ABLIM1: variants seen among roughly 807,000 people sequenced by gnomAD.
ABLIM1 encodes the protein actin-binding LIM protein 1.
Under a neutral mutation model 107.0 loss-of-function variants are expected in ABLIM1, and 40 were observed. The observed-to-expected ratio is 0.37, with a 90% CI of 0.29 to 0.49. The LOEUF (loss-of-function observed/expected upper bound fraction) is 0.49. ABLIM1 is among the 20% of genes least tolerant of loss of function. The pLI is 0.97. For synonymous variants in ABLIM1, 357 were observed against 357.3 expected (o/e 1.00, Z 0.01); for missense variants, 857 against 1,008.5 (o/e 0.85, Z 2.04).
intron 1 of ABLIM1, among the ~76,000 whole-genome samples, chr10:114,627,817 T>C (rs577201757): frequency 6.6e-6 from 1 of 152,286 alleles, no homozygotes; most frequent in Admixed American, 6.5e-5. Flanking sequence ...TGATTGACTT[T>C]CCATACAAAT....
At chr10:114,528,933 G>A (rs977976168) in intron 6 of ABLIM1, among the ~76,000 whole-genome samples, 28 of 152,148 alleles carry the variant, frequency 1.8e-4, no homozygotes, top group Admixed American at 6.5e-5. Flanking sequence ...TGGGGTTAAG[G>A]ATGGTACCTT....
chr10:114,554,807 C>T (rs1353891258), intron 4 of ABLIM1, among the ~76,000 whole-genome samples: 5 of 152,102 alleles, frequency 3.3e-5, no homozygotes, highest in African/African-American at 1.2e-4. Flanking sequence ...TGTGTCTTGG[C>T]CTATCCTAGA....
intron 1 of ABLIM1, among the ~76,000 whole-genome samples, chr10:114,765,780 G>C (rs1281170023): frequency 1.3e-5 from 2 of 151,692 alleles, no homozygotes; most frequent in African/African-American, 4.8e-5. Flanking sequence ...AGGAAATTCT[G>C]GTTCTCAACA....
At chr10:114,532,824 G>A (rs2065593470) in intron 6 of ABLIM1, among the ~76,000 whole-genome samples, 1 of 152,160 alleles carries the variant, frequency 6.6e-6, no homozygotes, top group Non-Finnish European at 1.5e-5. Context: ...GGAGGTAGTT[G>A]CAATGCCCAG....
At chr10:114,458,290 C>T (rs1438010303) in intron 12 of ABLIM1, among the ~76,000 whole-genome samples, 1 of 151,812 alleles carries the variant, frequency 6.6e-6, no homozygotes, top group African/African-American at 2.4e-5. Context: ...TCATTTTTAC[C>T]TCCTTTCCTG....
intron 6 of ABLIM1, among the ~76,000 whole-genome samples, chr10:114,501,085 A>C (rs1378752326): frequency 6.6e-6 from 1 of 152,226 alleles, no homozygotes; most frequent in Non-Finnish European, 1.5e-5. Context: ...TAAAAGATCA[A>C]CTTCTTCTGT....
At chr10:114,693,976 T>C (rs2081143230) in intron 1 of ABLIM1, among the ~76,000 whole-genome samples, 1 of 152,156 alleles carries the variant, frequency 6.6e-6, no homozygotes, top group Admixed American at 6.5e-5. Context: ...TTTAATCATT[T>C]TTAAAGTACT....
chr10:114,703,220 T>G (rs1296163037), intron 1 of ABLIM1, among the ~76,000 whole-genome samples: 2 of 152,196 alleles, frequency 1.3e-5, no homozygotes, highest in African/African-American at 2.4e-5. Flanking sequence ...CTTCATACTC[T>G]TACAGACATC....
At chr10:114,599,410 C>T (rs997515589) in intron 2 of ABLIM1, among the ~76,000 whole-genome samples, 3 of 152,118 alleles carry the variant, frequency 2.0e-5, no homozygotes, top group African/African-American at 2.4e-5. Flanking sequence ...CTTCAAATAC[C>T]GTGATGTGTT....
intron 1 of ABLIM1, among the ~76,000 whole-genome samples, chr10:114,724,071 T>C (rs949943172): frequency 2.0e-4 from 31 of 152,174 alleles, no homozygotes; most frequent in Non-Finnish European, 2.6e-4. Context: ...CTTTTAACAA[T>C]TGTGATTGCC....
At chr10:114,440,193 A>G in intron 19 of ABLIM1, 104 bp from the exon 20 acceptor site, 1 of 1,218,412 alleles carries the variant, frequency 8.2e-7, no homozygotes, top group Non-Finnish European at 1.2e-6. Context: ...TATTCGCCCT[A>G]TAAACCATGT....
intron 2 of ABLIM1, among the ~76,000 whole-genome samples, chr10:114,582,192 A>G (rs1238220371): frequency 3.3e-5 from 5 of 152,160 alleles, no homozygotes; most frequent in Non-Finnish European, 7.4e-5. Flanking sequence ...TAAATATACA[A>G]AAACCAGTAT....
At chr10:114,523,642 T>A (rs1252179988) in intron 6 of ABLIM1, among the ~76,000 whole-genome samples, 3 of 152,196 alleles carry the variant, frequency 2.0e-5, no homozygotes, top group African/African-American at 7.2e-5. Context: ...TCAAAGAGTT[T>A]TCTGGTAGCC....
chr10:114,712,163 G>T (rs35221652), intron 1 of ABLIM1, among the ~76,000 whole-genome samples: 2 of 151,550 alleles, frequency 1.3e-5, no homozygotes, highest in Middle Eastern at 6.3e-3. Context: ...GACCAGTCTG[G>T]CCAACATGGT....
At chr10:114,574,878 T>C (rs2072273461) in intron 3 of ABLIM1, among the ~76,000 whole-genome samples, 1 of 152,168 alleles carries the variant, frequency 6.6e-6, no homozygotes, top group Non-Finnish European at 1.5e-5. Context: ...TTGCGGACCA[T>C]ATGGTCTCTG....
At chr10:114,462,367 G>A (rs976911925) in intron 12 of ABLIM1, among the ~76,000 whole-genome samples, 5 of 152,104 alleles carry the variant, frequency 3.3e-5, no homozygotes, top group East Asian at 1.9e-4. Flanking sequence ...CAGGGTTCTC[G>A]GCTCCCCCAG....
Position 114,644,306 on chromosome 10 carries a change from AATATAT to A in ABLIM1, c.244+13645_244+13650del, listed in dbSNP as rs1244613103. On this transcript the variant is annotated intron_variant, in intron 1 of 22. Coordinates refer to ENST00000533213, the MANE Select transcript of ABLIM1 (RefSeq NM_002313.7). ...AAAAAAAAAAAAAAAAAAAAAAAAA[AATATAT>A]ATATATATATATATATATGTGTATA... is the stretch of plus-strand genomic sequence containing the variant. Among the ~76,000 whole-genome samples the A allele has an allele frequency of 6.3e-3, 330 of 52,228 alleles. 3 individuals carry two copies. Among genetic ancestry groups the A allele is most frequent in the African/African-American group, 0.023 (253 of 10,804 alleles). The allele number at this position is 52,228 out of a possible 152,430, so 34.3% of individuals were successfully genotyped here.
intron 1 of ABLIM1, chr10:114,632,669 T>C: frequency 1.0e-6 from 1 of 985,402 alleles, no homozygotes; most frequent in African/African-American, 1.7e-5. Context: ...TTCTATTCCT[T>C]ATCCAGGATC....
At chr10:114,710,280 A>C (rs1372795281) in intron 1 of ABLIM1, among the ~76,000 whole-genome samples, 1 of 152,204 alleles carries the variant, frequency 6.6e-6, no homozygotes, top group African/African-American at 2.4e-5. Flanking sequence ...CTGCTAATAA[A>C]GACATACCCA....
Sources: allele counts gnomAD v4.1 joint callset (sites outside exome capture counted in the v4.1 genomes callset), GRCh38; gene constraint gnomAD v4.1.1; transcripts MANE v1.5; gene names NCBI Gene and HGNC (gene_info 2026-07-23, HGNC 2026-07-21).